RPP38: variants seen among roughly 807,000 people sequenced by gnomAD.
The protein encoded by RPP38 is ribonuclease P/MRP subunit p38, also known as ribonuclease P protein subunit p38.
A neutral mutation model predicts 1.7 loss-of-function variants in RPP38; 2 were observed. The observed-to-expected ratio is 1.18, with a 90% CI of 0.48 to 3.70. The LOEUF is 3.70. Ranked by LOEUF, RPP38 falls within the 30% of genes most tolerant of loss-of-function variation. RPP38 has a pLI of 0.07. For synonymous variants in RPP38, 151 were observed against 131.8 expected (o/e 1.15, Z -1.00); for missense variants, 358 against 340.1 (o/e 1.05, Z -0.41).
rs746219631 is a variant in RPP38, at chr10:15,104,153, C to G, written c.839C>G (p.Ala280Gly). Residue 280 changes from alanine (A) to glycine (G), a missense_variant, in exon 3 of 3, where the codon GCT (alanine) becomes GGT (glycine). Physicochemically the swap from Ala to Gly is moderately conservative, Grantham distance 60 (BLOSUM62 0). Coordinates refer to ENST00000378197, the MANE Select transcript of RPP38 (RefSeq NM_183005.5). The stretch of plus-strand genomic sequence containing the variant: ...AGGAAACCACCCAAAAGTAAAAAAG[C>G]TACTCCAAAGTAATCTTGCATAAAC... ...KIRKPPKSKK[A>G]TPK 6.4e-7 allele frequency: 1 copy of G among 1,566,538 alleles called. No individual in the cohort carries two copies. The highest frequency in any genetic ancestry group is 8.6e-7 in the Non-Finnish European group (1 of 1,163,248).
rs535805478 is a variant in RPP38 at position 15,103,128 on chromosome 10, G to A, written c.-10-177G>A. ...AATCGCTTGAACCCAGGAGGTGGAG[G>A]TTGCAGTGAGCTGAGATTGTGCCAC... On this transcript the variant is annotated intron_variant, in intron 2 of 2. Transcript: ENST00000378197. The A allele has an allele frequency of 1.5e-5, 7 of 459,234 alleles. No individual in the cohort carries two copies. The South Asian group carries it at 1.9e-4, about 13-fold the overall frequency. The allele number at this position is 459,234 out of a possible 1,614,324, so 28.4% of individuals were successfully genotyped here. A position where few individuals can be genotyped will look rare whatever the true frequency, so the allele number is the denominator to read the frequency against.
At chr10:15,101,791 G>T (rs993416735) in intron 1 of RPP38, among the ~76,000 whole-genome samples, 1 of 152,172 alleles carries the variant, frequency 6.6e-6, no homozygotes, top group African/African-American at 2.4e-5. Context: ...TCCGGAGGCT[G>T]TGGCAGGAGA....
Position 15,103,441 on chromosome 10 carries a change from T to C in RPP38, c.127T>C (p.Phe43Leu), listed in dbSNP as rs1220338812. The C allele has an allele frequency of 3.1e-6, 5 of 1,614,104 alleles. No homozygotes were observed. The highest frequency in any genetic ancestry group is 3.3e-4 in the Middle Eastern group (2 of 6,084). ...WSALESEDMH[F>L]ILQTLEDRLK... ...CGCTCTGGAGAGCGAGGATATGCAC[T>C]TCATCCTACAGACGCTTGAGGACAG... is the stretch of plus-strand genomic sequence containing the variant. The change falls in exon 3 of 3, where the codon TTC (phenylalanine) becomes CTC (leucine). Residue 43 changes from phenylalanine to leucine, a missense_variant. By Grantham distance (22) the Phe-to-Leu change is conservative. Transcript: ENST00000378197.
Position 15,103,825 on chromosome 10 carries a change from G to C in RPP38, c.511G>C (p.Val171Leu). The change falls in exon 3 of 3, where the codon GTC (valine) becomes CTC (leucine). Residue 171 changes from valine to leucine, a missense_variant. Val to Leu is a conservative substitution (Grantham distance 32). Coordinates refer to ENST00000378197, the MANE Select transcript of RPP38 (RefSeq NM_183005.5). ...CCGGCTCAGTGAGAGAATCGCCCCC[G>C]TCATTGGCTTAAAATGTGTTCTAGC... ...VPRLSERIAP[V>L]IGLKCVLALA... 1 of 1,614,052 alleles carries C rather than the reference G, an allele frequency of 6.2e-7. No individual in the cohort carries two copies. Among genetic ancestry groups the C allele is most frequent in the South Asian group, 1.1e-5 (1 of 91,070 alleles).
rs887130858 is a variant in RPP38 at position 15,103,443 on chromosome 10, C to G, written c.129C>G (p.Phe43Leu). Residue 43 changes from phenylalanine (F) to leucine (L), a missense_variant, in exon 3 of 3, where the codon TTC becomes TTG. By Grantham distance (22) the Phe-to-Leu change is conservative. Coordinates refer to ENST00000378197, the MANE Select transcript of RPP38 (RefSeq NM_183005.5). ...WSALESEDMH[F>L]ILQTLEDRLK... ...CTCTGGAGAGCGAGGATATGCACTT[C>G]ATCCTACAGACGCTTGAGGACAGGC... The G allele has an allele frequency of 1.4e-5, 22 of 1,614,112 alleles. 1 individual carries two copies. Among genetic ancestry groups the G allele is most frequent in the South Asian group, 6.6e-5 (6 of 91,088 alleles).
intron 2 of RPP38, 66 bp from the exon 3 acceptor site, chr10:15,103,239 A>G: frequency 1.5e-6 from 2 of 1,311,860 alleles, no homozygotes; most frequent in Non-Finnish European, 2.1e-6. Flanking sequence ...TACAGTCAAG[A>G]TATTCTTAAG....
chr10:15,101,769 A>G (rs1166247136), intron 1 of RPP38, among the ~76,000 whole-genome samples: 1 of 152,082 alleles, frequency 6.6e-6, no homozygotes, highest in Admixed American at 6.6e-5. Flanking sequence ...GGGCACCTAT[A>G]ATCCCAGCTA....
In RPP38 at chr10:15,103,665, T is replaced by A; in HGVS notation, c.351T>A (p.Val117=). 6.2e-7 allele frequency: 1 copy of A among 1,614,076 alleles called. No individual in the cohort carries two copies. Among genetic ancestry groups the A allele is most frequent in the Non-Finnish European group, 8.5e-7 (1 of 1,180,026 alleles). ...AHVRKQLAIG[V]NEVTRALERR... is the part of the protein sequence containing the mutation. ...TCAGGAAGCAGCTTGCCATTGGCGT[T>A]AACGAAGTTACCAGAGCCCTGGAAA... The change falls in exon 3 of 3, where the codon GTT becomes GTA. Residue 117 remains valine, a synonymous_variant. Transcript: ENST00000378197.
At chr10:15,103,228 G>A (rs950039877) in intron 2 of RPP38, 77 bp from the exon 3 acceptor site, 2 of 1,227,224 alleles carry the variant, frequency 1.6e-6, no homozygotes, top group Non-Finnish European at 1.1e-6. Context: ...GAATCAGAGA[G>A]TACAGTCAAG....
chr10:15,098,695 G>A (rs1344582369), intron 1 of RPP38, among the ~76,000 whole-genome samples: 1 of 150,668 alleles, frequency 6.6e-6, no homozygotes, highest in Non-Finnish European at 1.5e-5. Flanking sequence ...AGACCATCCT[G>A]GCCAACATGG....
intron 1 of RPP38, among the ~76,000 whole-genome samples, 178 bp from the exon 2 acceptor site, chr10:15,102,040 C>T (rs997370355): frequency 2.0e-5 from 3 of 152,080 alleles, no homozygotes; most frequent in African/African-American, 7.2e-5. Context: ...GATGACTGTT[C>T]AGTTCTTTAA....
chr10:15,103,874 C>T lies in RPP38; in HGVS notation c.560C>T (p.Thr187Ile). 1 of 1,614,154 alleles carries T rather than the reference C, an allele frequency of 6.2e-7. No homozygotes were observed. Among genetic ancestry groups the T allele is most frequent in the Non-Finnish European group, 8.5e-7 (1 of 1,180,012 alleles). The change falls in exon 3 of 3, where the codon ACT (threonine) becomes ATT (isoleucine). Residue 187 changes from threonine (T) to isoleucine (I), a missense_variant. Physicochemically the swap from Thr to Ile is moderately conservative, Grantham distance 89. Coordinates refer to ENST00000378197, the MANE Select transcript of RPP38 (RefSeq NM_183005.5). ...GCCTTGGCGTTCAAAAAGAACACCA[C>T]TGACTTTGTGGACGAAGTAAGAGCC... Reference protein sequence around the residue: ...VLALAFKKNTTDFVDEVRAII... With the variant: ...VLALAFKKNTIDFVDEVRAII...
In RPP38 at chr10:15,104,176, A is replaced by T. The variant is rs763260212; in HGVS notation, c.*10A>T. 6 of 1,556,018 alleles carry T rather than the reference A, an allele frequency of 3.9e-6. No individual in the cohort carries two copies. In the East Asian group the frequency reaches 1.1e-4, roughly 29 times the overall value. The stretch of plus-strand genomic sequence containing the variant: ...AGCTACTCCAAAGTAATCTTGCATA[A>T]ACTTGTCATGTCATACAGTTTGTGA... On this transcript the variant is annotated 3_prime_UTR_variant, in exon 3 of 3. Coordinates refer to ENST00000378197, the MANE Select transcript of RPP38 (RefSeq NM_183005.5).
In RPP38 at chr10:15,104,244, T is replaced by C. The variant is rs928720101; in HGVS notation, c.*78T>C. ...AAGCCTTGAAACTAATAAAATGAGT[T>C]ATACTTACATAGATTCATAGGGTCC... On this transcript the variant is annotated 3_prime_UTR_variant, in exon 3 of 3. Coordinates refer to ENST00000378197, the MANE Select transcript of RPP38 (RefSeq NM_183005.5). 9 of 1,359,190 alleles carry C rather than the reference T, an allele frequency of 6.6e-6. No homozygotes were observed. The highest frequency in any genetic ancestry group is 5.8e-5 in the African/African-American group (4 of 68,450). The allele number at this position is 1,359,190 out of a possible 1,614,324, so 84.2% of individuals were successfully genotyped here. A position where few individuals can be genotyped will look rare whatever the true frequency, so the allele number is the denominator to read the frequency against.
Position 15,103,327 on chromosome 10 carries a change from C to G in RPP38, c.13C>G (p.Pro5Ala). 6.4e-7 allele frequency: 1 copy of G among 1,570,490 alleles called. No individual in the cohort carries two copies. ...AAGGATTTTCAAAATGGCTGCAGCT[C>G]CTCAAGCACCGGGGCGGGGATCTCT... is the stretch of plus-strand genomic sequence containing the variant. MAAA[P>A]QAPGRGSLRK... is the part of the protein sequence containing the mutation. The change falls in exon 3 of 3, where the codon CCT becomes GCT. Residue 5 changes from proline to alanine, a missense_variant. Transcript: ENST00000378197.
Position 15,104,229 on chromosome 10 carries a change from A to G in RPP38, c.*63A>G. Reference sequence around the variant, plus strand: ...GGACACCTTGTAAAGAAGCCTTGAAACTAATAAAATGAGTTATACTTACAT... The same window carrying G: ...GGACACCTTGTAAAGAAGCCTTGAAGCTAATAAAATGAGTTATACTTACAT... On this transcript the variant is annotated 3_prime_UTR_variant, in exon 3 of 3. Coordinates refer to ENST00000378197, the MANE Select transcript of RPP38 (RefSeq NM_183005.5). 5 of 1,463,550 alleles carry G rather than the reference A, an allele frequency of 3.4e-6. No individual in the cohort carries two copies. In the East Asian group the frequency reaches 9.1e-5, roughly 27 times the overall value. The allele number at this position is 1,463,550 out of a possible 1,614,324, so 90.7% of individuals were successfully genotyped here. A position where few individuals can be genotyped will look rare whatever the true frequency, so the allele number is the denominator to read the frequency against.
rs1004692072 is a variant in RPP38, at chr10:15,104,006, T to C, written c.692T>C (p.Leu231Pro). ...CCTCTGGAAAGCCAAGACAGAGAGC[T>C]TTTGGACACTTCATTTGAAGATCTG... ...TEPLESQDRELLDTSFEDLSK... is the reference protein window; with the variant it reads ...TEPLESQDREPLDTSFEDLSK... The change falls in exon 3 of 3, where the codon CTT (leucine) becomes CCT (proline). Residue 231 changes from leucine (L) to proline (P), a missense_variant. Transcript: ENST00000378197. 1.2e-5 allele frequency: 20 copies of C among 1,613,998 alleles called. No homozygotes were observed. The highest frequency in any genetic ancestry group is 1.5e-5 in the Non-Finnish European group (18 of 1,180,016).
intron 1 of RPP38, among the ~76,000 whole-genome samples, chr10:15,098,799 T>G (rs1252075313): frequency 6.7e-6 from 1 of 148,722 alleles, no homozygotes; most frequent in Non-Finnish European, 1.5e-5. Flanking sequence ...GGCAGGAGAA[T>G]CGCTTGAACC....
intron 1 of RPP38, among the ~76,000 whole-genome samples, chr10:15,098,780 G>A (rs894188286): frequency 6.6e-6 from 1 of 151,300 alleles, no homozygotes; most frequent in Non-Finnish European, 1.5e-5. Flanking sequence ...CAGCTACTCG[G>A]GAGTCTGAGG....
Sources: allele counts gnomAD v4.1 joint callset (sites outside exome capture counted in the v4.1 genomes callset), GRCh38; gene constraint gnomAD v4.1.1; transcripts MANE v1.5; gene names NCBI Gene and HGNC (gene_info 2026-07-23, HGNC 2026-07-21).